XAB2: variants seen among roughly 807,000 people sequenced by gnomAD.
XAB2 encodes the protein XPA binding protein 2.
A neutral mutation model predicts 113.4 loss-of-function variants in XAB2; 57 were observed. The observed-to-expected ratio is 0.50, with a 90% CI of 0.41 to 0.63. XAB2 has a LOEUF of 0.63. Ranked by LOEUF, XAB2 falls within the 20% of genes least tolerant of loss-of-function variation. XAB2 has a pLI of 0.00. For synonymous variants in XAB2, 497 were observed against 498.8 expected, an observed-to-expected ratio of 1.00 and a Z score of 0.05; for missense variants, 1,037 against 1,233.3, an observed-to-expected ratio of 0.84 and a Z score of 2.38.
chr19:7,621,095 G>GGGCCCCCCCCCCCCCCCCCCCCCCCC, intron 13 of XAB2, 40 bp downstream of exon 13: 1 of 1,486,322 alleles, frequency 6.7e-7, no homozygotes, highest in Non-Finnish European at 9.0e-7. Flanking sequence ...CAGAAACCCA[G>GGGCCCCCCCCCCCCCCCCCCCCCCCC]CCCGCCCGCC....
chr19:7,619,915 A>G, intron 17 of XAB2, 31 bp downstream of exon 17: 1 of 1,609,882 alleles, frequency 6.2e-7, no homozygotes. Flanking sequence ...GACCTGTCCC[A>G]GTCCTGTCCC....
Position 7,620,988 on chromosome 19 carries a change from C to T in XAB2, c.1829G>A (p.Arg610Gln), listed in dbSNP as rs759759087. Residue 610 changes from arginine (R) to glutamine (Q), a missense_variant, in exon 14 of 19, where the codon CGG becomes CAG. Coordinates refer to ENST00000358368, the MANE Select transcript of XAB2 (RefSeq NM_020196.3). ...AQLEEEWGLA[R>Q]HAMAVYERAT... ...ACGCTCGTACACGGCCATGGCATGC[C>T]GGGCCAGGCCCCACTCCTCCTCCAG... The T allele has an allele frequency of 1.9e-6, 3 of 1,568,048 alleles. No homozygotes were observed. The highest frequency in any genetic ancestry group is 1.2e-5 in the South Asian group (1 of 85,378).
rs367552267 is a variant in XAB2 at position 7,623,698 on chromosome 19, C to T, written c.1119+33G>A. The T allele has an allele frequency of 1.2e-5, 18 of 1,549,980 alleles. No homozygotes were observed. The highest frequency in any genetic ancestry group is 1.6e-5 in the Non-Finnish European group (18 of 1,152,320). ...TCCCCAGTTCTGCAGGAAACTGGCC[C>T]TCAGGGGTAGGACTGGGGCAGGCTT... On this transcript the variant is annotated intron_variant, in intron 8 of 18. Coordinates refer to ENST00000358368, the MANE Select transcript of XAB2 (RefSeq NM_020196.3). This position sits in a 1 kb window ranked among gnomAD's most constrained non-coding sequence, Gnocchi z 4.6.
chr19:7,619,838 C>T lies in XAB2; in HGVS notation c.2415G>A (p.Glu805=), dbSNP rs1424222860. The T allele has an allele frequency of 1.2e-6, 2 of 1,612,814 alleles. No individual in the cohort carries two copies. The highest frequency in any genetic ancestry group is 1.7e-6 in the Non-Finnish European group (2 of 1,179,932). The change falls in exon 18 of 19, where the codon GAG becomes GAA. Residue 805 remains glutamate (E), a synonymous_variant. Coordinates refer to ENST00000358368, the MANE Select transcript of XAB2 (RefSeq NM_020196.3). ...CCTGCTGTGCCAGCTCTGCCAGCTC[C>T]TCCCGGGAGGCGTCACTCCTAGGGA... ...ILFVRSDASR[E]ELAELAQQVN...
chr19:7,622,865 TTGG>T lies in XAB2; in HGVS notation c.1265_1267del (p.Thr422del). The T allele has an allele frequency of 6.2e-7, 1 of 1,613,906 alleles. No individual in the cohort carries two copies. Among genetic ancestry groups the T allele is most frequent in the South Asian group, 1.1e-5 (1 of 91,044 alleles). On this transcript the variant is annotated inframe_deletion, in exon 10 of 19. Transcript: ENST00000358368. ...GTCATCCACCTGCTTGAAGTTCACCTTGGTGGCCTTCTCCAGGATGACACGGGC... is the reference window on the plus strand; with the variant it reads ...GTCATCCACCTGCTTGAAGTTCACCTTGGCCTTCTCCAGGATGACACGGGC...
At position 7,622,633 on chromosome 19, in the gene XAB2, G is replaced by A. The variant is rs763194560; in HGVS notation, c.1400C>T (p.Ala467Val). The change falls in exon 11 of 19, where the codon GCC becomes GTC. Residue 467 changes from alanine to valine, a missense_variant. Physicochemically the swap from Ala to Val is moderately conservative, Grantham distance 64. Coordinates refer to ENST00000358368, the MANE Select transcript of XAB2 (RefSeq NM_020196.3). Reference protein sequence around the residue: ...RKATALPARRAEYFDGSEPVQ... With the variant: ...RKATALPARRVEYFDGSEPVQ... Reference sequence around the variant, plus strand: ...GGGCTCTGAACCATCAAAGTACTCGGCCCGGCGGGCAGGCAGCGCCGTGGC... The same window carrying A: ...GGGCTCTGAACCATCAAAGTACTCGACCCGGCGGGCAGGCAGCGCCGTGGC... 6.2e-7 allele frequency: 1 copy of A among 1,611,718 alleles called. No homozygotes were observed. The highest frequency in any genetic ancestry group is 8.5e-7 in the Non-Finnish European group (1 of 1,179,986).
chr19:7,628,081 G>A lies in XAB2; in HGVS notation c.200+69C>T. The stretch of plus-strand genomic sequence containing the variant: ...ATCACCCGGGACCCGGGACCCACTT[G>A]GCAGTTTTGTTATAACTGGACCAGG... On this transcript the variant is annotated intron_variant, in intron 2 of 18. Transcript: ENST00000358368. This position sits in a 1 kb window ranked among gnomAD's most constrained non-coding sequence, Gnocchi z 4.6. 1 of 1,556,988 alleles carries A rather than the reference G, an allele frequency of 6.4e-7. No individual in the cohort carries two copies. Among genetic ancestry groups the A allele is most frequent in the Non-Finnish European group, 8.7e-7 (1 of 1,149,046 alleles).
Position 7,622,815 on chromosome 19 carries a change from C to T in XAB2, c.1318G>A (p.Gly440Arg), listed in dbSNP as rs1474453662. The stretch of plus-strand genomic sequence containing the variant: ...TTCTCGTGTCGGAGCTCCAGCTCTC[C>T]GCACTGACACCACACGCTTGCCAGG... ...DDLASVWCQCGELELRHENYD... is the reference protein window; with the variant it reads ...DDLASVWCQCRELELRHENYD... Residue 440 changes from glycine to arginine, a missense_variant, in exon 10 of 19, where the codon GGA (glycine) becomes AGA (arginine). By Grantham distance (125) the Gly-to-Arg change is moderately radical. Transcript: ENST00000358368. The T allele has an allele frequency of 1.1e-5, 18 of 1,614,070 alleles. No individual in the cohort carries two copies. Among genetic ancestry groups the T allele is most frequent in the South Asian group, 2.2e-5 (2 of 91,078 alleles).
At position 7,622,756 on chromosome 19, in the gene XAB2, T is replaced by C. The variant is rs1325404551; in HGVS notation, c.1371+6A>G. 6.2e-7 allele frequency: 1 copy of C among 1,613,940 alleles called. No homozygotes were observed. Among genetic ancestry groups the C allele is most frequent in the Non-Finnish European group, 8.5e-7 (1 of 1,180,008 alleles). ...CCCCCACCCCACAGCCTGGGCCTGT[T>C]CTCACTCGCAGCAGCCGCAAGGCCT... On this transcript the variant is annotated splice_donor_region_variant and intron_variant, in intron 10 of 18. Transcript: ENST00000358368.
At chr19:7,621,112 C>G (rs757834618) in intron 13 of XAB2, 23 bp downstream of exon 13, 2 of 1,561,234 alleles carry the variant, frequency 1.3e-6, no homozygotes, top group African/African-American at 1.4e-5. Flanking sequence ...CGCCACCCCC[C>G]CCATGCCCTC....
rs745389101 is a variant in XAB2, at chr19:7,619,995, C to T, written c.2347G>A (p.Ala783Thr). The T allele has an allele frequency of 8.1e-6, 13 of 1,612,328 alleles. No individual in the cohort carries two copies. Residue 783 changes from alanine to threonine, a missense_variant, in exon 17 of 19, where the codon GCG (alanine) becomes ACG (threonine). Transcript: ENST00000358368. ...EQRAEQLAAE[A>T]ERDQPLRAQS... The stretch of plus-strand genomic sequence containing the variant: ...GCGCGCAAGGGCTGGTCACGCTCCG[C>T]CTCAGCCGCCAGCTGCTCTGCCCGC...
chr19:7,629,508 A>T lies in XAB2; in HGVS notation c.20T>A (p.Leu7His), dbSNP rs2031214839. 6.2e-7 allele frequency: 1 copy of T among 1,605,124 alleles called. No individual in the cohort carries two copies. Among genetic ancestry groups the T allele is most frequent in the Middle Eastern group, 1.7e-4 (1 of 6,048 alleles). MVVMAR[L>H]SRPERPDLVF... ...AAGGTCCGGCCGCTCGGGCCGCGAG[A>T]GTCGCGCCATCACCACCATTTTTCT... is the stretch of plus-strand genomic sequence containing the variant. Residue 7 changes from leucine to histidine, a missense_variant, in exon 1 of 19, where the codon CTC becomes CAC. By Grantham distance (99) the Leu-to-His change is moderately conservative. Transcript: ENST00000358368.
rs1487658576 is a variant in XAB2 at position 7,623,184 on chromosome 19, C to T, written c.1225G>A (p.Gly409Arg). 2.8e-5 allele frequency: 45 copies of T among 1,613,644 alleles called. No homozygotes were observed. The highest frequency in any genetic ancestry group is 3.5e-5 in the Non-Finnish European group (41 of 1,180,030). ...AGGGTGCTCACATCGTCCAGCTGTC[C>T]GTTGTCCTCATAAAACTTGGCAAAC... ...VAFAKFYEDNGQLDDARVILE... is the reference protein window; with the variant it reads ...VAFAKFYEDNRQLDDARVILE... The change falls in exon 9 of 19, where the codon GGA (glycine) becomes AGA (arginine). Residue 409 changes from glycine (G) to arginine (R), a missense_variant. Coordinates refer to ENST00000358368, the MANE Select transcript of XAB2 (RefSeq NM_020196.3). This position sits in a 1 kb window ranked among gnomAD's most constrained non-coding sequence, Gnocchi z 4.6.
chr19:7,620,773 C>T, intron 14 of XAB2, 73 bp downstream of exon 14: 1 of 1,571,630 alleles, frequency 6.4e-7, no homozygotes, highest in Non-Finnish European at 8.6e-7. Flanking sequence ...CTCCTCAGCC[C>T]CTCCCACCTG....
Position 7,628,302 on chromosome 19 carries a change from C to T in XAB2, c.52-4G>A. The T allele has an allele frequency of 6.2e-7, 1 of 1,613,992 alleles. No individual in the cohort carries two copies. Among genetic ancestry groups the T allele is most frequent in the Admixed American group, 1.7e-5 (1 of 60,012 alleles). ...CATAGGGGAGGTCCTCTTCCTCCTG[C>T]CAGGGCCAGGGAATGGGAAGAAGAG... On this transcript the variant is annotated splice_region_variant and splice_polypyrimidine_tract_variant and intron_variant, in intron 1 of 18. Transcript: ENST00000358368. This position sits in a 1 kb window ranked among gnomAD's most constrained non-coding sequence, Gnocchi z 4.6.
chr19:7,622,492 T>G, intron 11 of XAB2, 38 bp downstream of exon 11: 1 of 1,613,630 alleles, frequency 6.2e-7, no homozygotes, highest in South Asian at 1.1e-5. Context: ...TGGAGCTGAG[T>G]CCGGGGCCCC....
intron 16 of XAB2, 33 bp downstream of exon 16, chr19:7,620,241 TG>T: frequency 6.2e-7 from 1 of 1,611,216 alleles, no homozygotes; most frequent in Non-Finnish European, 8.5e-7. Flanking sequence ...TGAGATGCCC[TG>T]GATCAGGAAC....
Position 7,628,032 on chromosome 19 carries a change from A to G in XAB2, c.200+118T>C. 1.4e-6 allele frequency: 2 copies of G among 1,468,114 alleles called. No homozygotes were observed. The highest frequency in any genetic ancestry group is 9.2e-7 in the Non-Finnish European group (1 of 1,088,674). The allele number at this position is 1,468,114 out of a possible 1,614,324, so 90.9% of individuals were successfully genotyped here. On this transcript the variant is annotated intron_variant, in intron 2 of 18. Transcript: ENST00000358368. This position sits in a 1 kb window ranked among gnomAD's most constrained non-coding sequence, Gnocchi z 4.6. ...TGTGCTGACCCATCAAGGGATGTAC[A>G]GGTCAGTGATGAAACACGAAGCAAT... is the stretch of plus-strand genomic sequence containing the variant.
rs1205900277 is a variant in XAB2 at position 7,624,310 on chromosome 19, C to T, written c.958G>A (p.Glu320Lys). ...KMETASELGREEEDDVDLELR... is the reference protein window; with the variant it reads ...KMETASELGRKEEDDVDLELR... ...GCCCCCAGAGGCTCACCCTCCTCCT[C>T]GCGCCCCAGCTCCGAGGCGGTCTCC... Residue 320 changes from glutamate to lysine, a missense_variant, in exon 7 of 19, where the codon GAG (glutamate) becomes AAG (lysine). Transcript: ENST00000358368. This position sits in a 1 kb window ranked among gnomAD's most constrained non-coding sequence, Gnocchi z 4.2. 4.3e-6 allele frequency: 7 copies of T among 1,613,520 alleles called. No homozygotes were observed. Among genetic ancestry groups the T allele is most frequent in the East Asian group, 2.2e-5 (1 of 44,880 alleles).
Sources: allele counts gnomAD v4.1 joint callset, GRCh38; gene constraint gnomAD v4.1.1; non-coding constraint Gnocchi (gnomAD v3.1); transcripts MANE v1.5; gene names NCBI Gene and HGNC (gene_info 2026-07-23, HGNC 2026-07-21).